ASCC3: variants seen among roughly 807,000 people sequenced by gnomAD.
ASCC3 encodes the protein activating signal cointegrator 1 complex subunit 3.
A neutral mutation model predicts 256.3 loss-of-function variants in ASCC3; 158 were observed. The observed-to-expected ratio is 0.62, with a 90% CI of 0.54 to 0.70. ASCC3 has a LOEUF of 0.70. Ranked by LOEUF, ASCC3 falls within the 30% of genes least tolerant of loss-of-function variation. ASCC3 has a pLI of 0.00. For synonymous variants in ASCC3, 948 were observed against 883.4 expected (o/e 1.07, Z -1.30); for missense variants, 2,259 against 2,626.0 (o/e 0.86, Z 3.05).
chr6:100,555,918 C>A (rs1769550547), intron 36 of ASCC3, among the ~76,000 whole-genome samples: 1 of 123,716 alleles, frequency 8.1e-6, no homozygotes, highest in South Asian at 3.5e-4. Context: ...ATTGCTTGAG[C>A]CCAGGAGATG....
intron 10 of ASCC3, among the ~76,000 whole-genome samples, chr6:100,752,889 G>A (rs1052937845): frequency 1.3e-5 from 2 of 152,102 alleles, no homozygotes; most frequent in Non-Finnish European, 2.9e-5. Context: ...GAAAAAAGGA[G>A]AGTAAATGAT....
intron 22 of ASCC3, 101 bp from the exon 23 acceptor site, chr6:100,644,230 T>C: frequency 2.5e-6 from 2 of 798,168 alleles, no homozygotes; most frequent in South Asian, 1.4e-5. Flanking sequence ...ATATCATTTA[T>C]ATTACAAAGT....
At chr6:100,509,887 CAAAAAA>C in intron 41 of ASCC3, 39 bp downstream of exon 41, 1 of 1,392,626 alleles carries the variant, frequency 7.2e-7, no homozygotes, top group South Asian at 1.2e-5. Flanking sequence ...GACTCCGCCT[CAAAAAA>C]AAAAAAAAAG....
At chr6:100,698,103 CTG>C (rs1778173799) in intron 13 of ASCC3, among the ~76,000 whole-genome samples, 1 of 152,056 alleles carries the variant, frequency 6.6e-6, no homozygotes, top group Non-Finnish European at 1.5e-5. Context: ...AAGGAGGAAA[CTG>C]AATACACTTC....
At chr6:100,761,475 G>A (rs1781420719) in intron 10 of ASCC3, among the ~76,000 whole-genome samples, 1 of 152,138 alleles carries the variant, frequency 6.6e-6, no homozygotes, top group Non-Finnish European at 1.5e-5. Flanking sequence ...GTGACAGAGT[G>A]AGACCTTTTC....
intron 10 of ASCC3, among the ~76,000 whole-genome samples, chr6:100,739,088 G>C (rs764208854): frequency 5.3e-5 from 8 of 152,022 alleles, no homozygotes; most frequent in Non-Finnish European, 1.0e-4. Context: ...TGTCATATAT[G>C]GTTCTTATTA....
chr6:100,749,355 C>A (rs1206120053), intron 10 of ASCC3, among the ~76,000 whole-genome samples: 2 of 151,906 alleles, frequency 1.3e-5, no homozygotes, highest in African/African-American at 4.8e-5. Flanking sequence ...AATATACAAT[C>A]AACTTTCATT....
Position 100,509,265 on chromosome 6 carries a change from C to A in ASCC3, c.*121G>T. On this transcript the variant is annotated 3_prime_UTR_variant, in exon 42 of 42. Transcript: ENST00000369162. Reference sequence around the variant, plus strand: ...CAATACTGCAGCCACTGTCAATTTCCTGGATGGTTGAGGTTAGAAGTTGAT... The same window carrying A: ...CAATACTGCAGCCACTGTCAATTTCATGGATGGTTGAGGTTAGAAGTTGAT... 7.3e-7 allele frequency: 1 copy of A among 1,364,330 alleles called. No homozygotes were observed. Among genetic ancestry groups the A allele is most frequent in the Non-Finnish European group, 1.0e-6 (1 of 961,054 alleles). The allele number at this position is 1,364,330 out of a possible 1,614,324, so 84.5% of individuals were successfully genotyped here.
At chr6:100,739,366 A>C (rs1046064236) in intron 10 of ASCC3, among the ~76,000 whole-genome samples, 4 of 152,154 alleles carry the variant, frequency 2.6e-5, no homozygotes, top group African/African-American at 9.7e-5. Context: ...GGATTTTTGC[A>C]CCGAAGCTCA....
At chr6:100,815,809 AT>A (rs1337166363) in intron 4 of ASCC3, among the ~76,000 whole-genome samples, 1 of 152,176 alleles carries the variant, frequency 6.6e-6, no homozygotes, top group Admixed American at 6.5e-5. Flanking sequence ...ACCTAAAACT[AT>A]AAAAATCCTG....
chr6:100,735,474 C>G (rs912320157), intron 10 of ASCC3, among the ~76,000 whole-genome samples: 6 of 149,876 alleles, frequency 4.0e-5, no homozygotes, highest in African/African-American at 1.5e-4. Flanking sequence ...TTTTTTGAAA[C>G]TTTGCATTTT....
intron 4 of ASCC3, among the ~76,000 whole-genome samples, chr6:100,824,495 G>C (rs1375495477): frequency 2.6e-5 from 4 of 152,170 alleles, no homozygotes; most frequent in African/African-American, 9.7e-5. Flanking sequence ...ATGTGAATGA[G>C]ACATCCTTAT....
chr6:100,629,128 G>A lies in ASCC3; in HGVS notation c.4262C>T (p.Ala1421Val), dbSNP rs775936339. The change falls in exon 27 of 42, where the codon GCT (alanine) becomes GTT (valine). Residue 1421 changes from alanine (A) to valine (V), a missense_variant. Coordinates refer to ENST00000369162, the MANE Select transcript of ASCC3 (RefSeq NM_006828.4). ...CTCTGGCGTAGTGACGATAAGGTCA[G>A]CCTTGGCAATGGATTTCATATCAGG... ...VTPDMKSIAK[A>V]DLIVTTPEKW... 4 of 1,613,776 alleles carry A rather than the reference G, an allele frequency of 2.5e-6. No individual in the cohort carries two copies. The highest frequency in any genetic ancestry group is 1.7e-6 in the Non-Finnish European group (2 of 1,179,866).
chr6:100,523,516 G>C (rs557894743), intron 37 of ASCC3, among the ~76,000 whole-genome samples: 6 of 152,248 alleles, frequency 3.9e-5, no homozygotes, highest in Non-Finnish European at 7.4e-5. Flanking sequence ...GAAAAGAGGG[G>C]CTTCCGCTGG....
At chr6:100,643,144 A>C (rs1775211240) in intron 23 of ASCC3, among the ~76,000 whole-genome samples, 1 of 152,104 alleles carries the variant, frequency 6.6e-6, no homozygotes, top group African/African-American at 2.4e-5. Context: ...TACCGCAATC[A>C]CTTGGTACAA....
At chr6:100,750,518 T>A (rs1453042258) in intron 10 of ASCC3, among the ~76,000 whole-genome samples, 1 of 145,450 alleles carries the variant, frequency 6.9e-6, no homozygotes, top group Non-Finnish European at 1.5e-5. Context: ...TCTAGCTACA[T>A]ACCAACATTT....
chr6:100,724,140 C>CA (rs1228097706), intron 11 of ASCC3, among the ~76,000 whole-genome samples: 208 of 74,416 alleles, frequency 2.8e-3, no homozygotes, highest in African/African-American at 8.8e-3. Context: ...AGAGTAGCTA[C>CA]AAAAAAACAA....
chr6:100,665,543 T>C (rs1377498174), intron 14 of ASCC3, among the ~76,000 whole-genome samples: 1 of 151,444 alleles, frequency 6.6e-6, no homozygotes, highest in Non-Finnish European at 1.5e-5. Flanking sequence ...GCTAACATGG[T>C]GAAACTCCGT....
intron 37 of ASCC3, among the ~76,000 whole-genome samples, chr6:100,533,921 C>A (rs778959845): frequency 1.4e-4 from 21 of 152,144 alleles, no homozygotes; most frequent in Non-Finnish European, 2.5e-4. Context: ...CACAAATTGC[C>A]TCAACAAATC....
Sources: gnomAD v4.1 joint callset for allele counts (sites outside exome capture counted in the v4.1 genomes callset) on GRCh38, gnomAD v4.1.1 for gene constraint, MANE v1.5 for transcripts, NCBI Gene and HGNC (gene_info 2026-07-23, HGNC 2026-07-21) for gene names.